The following GALNT18 variants were observed in gnomAD, a reference collection of about 807,000 sequenced individuals.
GALNT18 encodes GalNAc-transferase 18.
GALNT18 carries 44 observed loss-of-function variants against 69.5 expected under a neutral mutation model. The ratio of observed to expected loss-of-function variants is 0.63; its 90% CI spans 0.50 to 0.81. The LOEUF (loss-of-function observed/expected upper bound fraction) is 0.81, where lower values mean the gene tolerates loss of function less well. GALNT18 is among the 40% of genes least tolerant of loss of function. GALNT18 has a pLI of 0.00. For synonymous variants in GALNT18, 364 were observed against 318.2 expected, an observed-to-expected ratio of 1.14 and a Z score of -1.53; for missense variants, 715 against 810.0, an observed-to-expected ratio of 0.88 and a Z score of 1.42.
chr11:11,364,474 A>AAT (rs1334800739), intron 6 of GALNT18, among the ~76,000 whole-genome samples: 1 of 152,188 alleles, frequency 6.6e-6, no homozygotes, highest in African/African-American at 2.4e-5. Flanking sequence ...ACATCAGGGG[A>AAT]ATGTAATCAA....
At chr11:11,288,441 A>C (rs555449293) in intron 10 of GALNT18, among the ~76,000 whole-genome samples, 2 of 152,278 alleles carry the variant, frequency 1.3e-5, no homozygotes, top group East Asian at 3.9e-4. Context: ...TCTGCAGACC[A>C]AGTCGGTCAT....
rs1351737056 is a variant in GALNT18 at position 11,432,666 on chromosome 11, G to T, written c.550C>A (p.His184Asn). The T allele has an allele frequency of 6.2e-7, 1 of 1,612,304 alleles. No individual in the cohort carries two copies. Among genetic ancestry groups the T allele is most frequent in the Non-Finnish European group, 8.5e-7 (1 of 1,179,310 alleles). The change falls in exon 3 of 11, where the codon CAT (histidine) becomes AAT (asparagine). Residue 184 changes from histidine (H) to asparagine (N), a missense_variant. His to Asn is a moderately conservative substitution (Grantham distance 68). Transcript: ENST00000227756. The surrounding 1 kb of genome is among the most constrained non-coding windows in gnomAD (Gnocchi z 5.8). ...IHSAMERTPP[H>N]LLKEIILVDD... ...ACCAGAATGATCTCCTTGAGCAGATGTGGGGGCGTGCGTTCCATGGCCGAG... is the reference window on the plus strand; with the variant it reads ...ACCAGAATGATCTCCTTGAGCAGATTTGGGGGCGTGCGTTCCATGGCCGAG...
At chr11:11,371,134 C>T (rs934518354) in intron 6 of GALNT18, among the ~76,000 whole-genome samples, 3 of 152,176 alleles carry the variant, frequency 2.0e-5, no homozygotes, top group African/African-American at 7.2e-5. Context: ...TTTCTAAGCT[C>T]GGCTTCAGAC....
rs949697610 is a variant in GALNT18 at position 11,454,865 on chromosome 11, T to C, written c.236-5929A>G. Among the ~76,000 whole-genome samples, 1 of 152,240 alleles carries C rather than the reference T, an allele frequency of 6.6e-6. No individual in the cohort carries two copies. Among genetic ancestry groups the C allele is most frequent in the South Asian group, 2.1e-4 (1 of 4,820 alleles). ...TCACCATCAAGCCCTGAGGGGAGGA[T>C]TCCCTCCAGAGGACACTAATCACTC... is the stretch of plus-strand genomic sequence containing the variant. On this transcript the variant is annotated intron_variant, in intron 1 of 10. Coordinates refer to ENST00000227756, the MANE Select transcript of GALNT18 (RefSeq NM_198516.3). This position sits in a 1 kb window ranked among gnomAD's most constrained non-coding sequence, Gnocchi z 4.2.
chr11:11,535,651 T>G (rs1334355325), intron 1 of GALNT18, among the ~76,000 whole-genome samples: 1 of 152,144 alleles, frequency 6.6e-6, no homozygotes, highest in Non-Finnish European at 1.5e-5. Flanking sequence ...TGGCCAGACC[T>G]TCTGACCACC....
chr11:11,335,280 C>G (rs1850092502), intron 7 of GALNT18, among the ~76,000 whole-genome samples: 1 of 152,164 alleles, frequency 6.6e-6, no homozygotes, highest in South Asian at 2.1e-4. Flanking sequence ...AAGAACTAGC[C>G]CTTTGTTCAG....
rs1157182313 is a variant in GALNT18 at position 11,309,975 on chromosome 11, G to A, written c.1513-16782C>T. 6.7e-6 allele frequency among the ~76,000 whole-genome samples: 1 copy of A among 149,702 alleles called. No individual in the cohort carries two copies. The highest frequency in any genetic ancestry group is 1.9e-4 in the East Asian group (1 of 5,182). ...TTTCTTCCCTTCAGTCTCAAAACAT[G>A]TTCCCTTATTGCTTTCTTTAAAAAG... is the stretch of plus-strand genomic sequence containing the variant. On this transcript the variant is annotated intron_variant, in intron 9 of 10. Coordinates refer to ENST00000227756, the MANE Select transcript of GALNT18 (RefSeq NM_198516.3). This position sits in a 1 kb window ranked among gnomAD's most constrained non-coding sequence, Gnocchi z 4.6.
In GALNT18 at chr11:11,469,738, T is replaced by G. The variant is rs1490226070; in HGVS notation, c.236-20802A>C. On this transcript the variant is annotated intron_variant, in intron 1 of 10. Transcript: ENST00000227756. The surrounding 1 kb of genome is among the most constrained non-coding windows in gnomAD (Gnocchi z 4.2). ...TGTGAGTTGGTTGTTGGGGAATGAG[T>G]ATAGGCTCCCTTAGGTGTTTTCAGC... Among the ~76,000 whole-genome samples, 1 of 152,172 alleles carries G rather than the reference T, an allele frequency of 6.6e-6. No homozygotes were observed. Among genetic ancestry groups the G allele is most frequent in the Non-Finnish European group, 1.5e-5 (1 of 68,026 alleles).
At chr11:11,499,801 G>A (rs1856938219) in intron 1 of GALNT18, among the ~76,000 whole-genome samples, 1 of 152,232 alleles carries the variant, frequency 6.6e-6, no homozygotes, top group South Asian at 2.1e-4. Flanking sequence ...TACTGACACA[G>A]CACAGGAAAT....
At chr11:11,451,088 C>T (rs1486547435) in intron 1 of GALNT18, among the ~76,000 whole-genome samples, 1 of 152,168 alleles carries the variant, frequency 6.6e-6, no homozygotes, top group Non-Finnish European at 1.5e-5. Context: ...AAAATGCAAA[C>T]TATGCAAACT....
rs933755792 is a variant in GALNT18, at chr11:11,356,444, G to A, written c.1093-15440C>T. On this transcript the variant is annotated intron_variant, in intron 6 of 10. Coordinates refer to ENST00000227756, the MANE Select transcript of GALNT18 (RefSeq NM_198516.3). This position sits in a 1 kb window ranked among gnomAD's most constrained non-coding sequence, Gnocchi z 4.4. Reference sequence around the variant, plus strand: ...CAAAAGGGAGACAGAAAATGACTCTGGGGAGCTTTAACATACATTGTGAGC... The same window carrying A: ...CAAAAGGGAGACAGAAAATGACTCTAGGGAGCTTTAACATACATTGTGAGC... Among the ~76,000 whole-genome samples, 1 of 152,140 alleles carries A rather than the reference G, an allele frequency of 6.6e-6. No individual in the cohort carries two copies. Among genetic ancestry groups the A allele is most frequent in the South Asian group, 2.1e-4 (1 of 4,814 alleles).
At chr11:11,471,065 C>T (rs1167272162) in intron 1 of GALNT18, among the ~76,000 whole-genome samples, 2 of 152,274 alleles carry the variant, frequency 1.3e-5, no homozygotes, top group Non-Finnish European at 2.9e-5. Flanking sequence ...GCTTCAGTCT[C>T]CCTCATCTAA....
rs1859616020 is a variant in GALNT18, at chr11:11,600,861, T to C, written c.235+20498A>G. 6.6e-6 allele frequency among the ~76,000 whole-genome samples: 1 copy of C among 152,118 alleles called. No homozygotes were observed. Among genetic ancestry groups the C allele is most frequent in the South Asian group, 2.1e-4 (1 of 4,830 alleles). On this transcript the variant is annotated intron_variant, in intron 1 of 10. Coordinates refer to ENST00000227756, the MANE Select transcript of GALNT18 (RefSeq NM_198516.3). This position sits in a 1 kb window ranked among gnomAD's most constrained non-coding sequence, Gnocchi z 4.8. ...TTTCTCTTTTTTTCAGATGTGGTAATCTCTATTGATCTATCTTCAAATTTG... is the reference window on the plus strand; with the variant it reads ...TTTCTCTTTTTTTCAGATGTGGTAACCTCTATTGATCTATCTTCAAATTTG...
In GALNT18 at chr11:11,614,641, A is replaced by T. The variant is rs954835213; in HGVS notation, c.235+6718T>A. The stretch of plus-strand genomic sequence containing the variant: ...GAAATCCTATACGATGGTAATGAAG[A>T]CGCTCCAGTAACCCTGTTTGTGACT... On this transcript the variant is annotated intron_variant, in intron 1 of 10. Coordinates refer to ENST00000227756, the MANE Select transcript of GALNT18 (RefSeq NM_198516.3). This position sits in a 1 kb window ranked among gnomAD's most constrained non-coding sequence, Gnocchi z 5.6. 6.6e-6 allele frequency among the ~76,000 whole-genome samples: 1 copy of T among 152,214 alleles called. No homozygotes were observed. Among genetic ancestry groups the T allele is most frequent in the Admixed American group, 6.5e-5 (1 of 15,280 alleles).
intron 1 of GALNT18, among the ~76,000 whole-genome samples, chr11:11,521,384 T>C (rs953042504): frequency 6.6e-6 from 1 of 152,096 alleles, no homozygotes; most frequent in Non-Finnish European, 1.5e-5. Context: ...CTCAGCCCAC[T>C]CTCTGGCCAC....
intron 1 of GALNT18, among the ~76,000 whole-genome samples, chr11:11,462,018 G>A (rs544220289): frequency 2.6e-5 from 4 of 152,198 alleles, no homozygotes; most frequent in African/African-American, 9.7e-5. Context: ...AAAGGGAAGC[G>A]GGGTGCTGTA....
rs1241268749 is a variant in GALNT18, at chr11:11,591,010, T to G, written c.235+30349A>C. On this transcript the variant is annotated intron_variant, in intron 1 of 10. Coordinates refer to ENST00000227756, the MANE Select transcript of GALNT18 (RefSeq NM_198516.3). The surrounding 1 kb of genome is among the most constrained non-coding windows in gnomAD (Gnocchi z 4.8). ...TTTTTTTAAGTTAACTGTAAGACAG[T>G]CTCAGGTAGGTCCTTCCTGAGATAT... Among the ~76,000 whole-genome samples, 1 of 152,154 alleles carries G rather than the reference T, an allele frequency of 6.6e-6. No homozygotes were observed. Among genetic ancestry groups the G allele is most frequent in the Non-Finnish European group, 1.5e-5 (1 of 68,026 alleles).
Position 11,534,055 on chromosome 11 carries a change from C to T in GALNT18, c.236-85119G>A, listed in dbSNP as rs558539817. 1.4e-4 allele frequency among the ~76,000 whole-genome samples: 22 copies of T among 152,348 alleles called. No individual in the cohort carries two copies. The South Asian group carries it at 3.9e-3, about 27-fold the overall frequency. On this transcript the variant is annotated intron_variant, in intron 1 of 10. Transcript: ENST00000227756. ...ATCACACCCCATGCTAGCACCCCTA[C>T]GTCACAGATCAGGAAACTGAGGCTT...
chr11:11,609,593 A>T (rs540620652), intron 1 of GALNT18, among the ~76,000 whole-genome samples: 20 of 152,322 alleles, frequency 1.3e-4, no homozygotes, highest in African/African-American at 4.6e-4. Flanking sequence ...TACCAAAAGA[A>T]GGCAGCGGTA....
Sources: allele counts gnomAD v4.1 joint callset (sites outside exome capture counted in the v4.1 genomes callset), GRCh38; gene constraint gnomAD v4.1.1; non-coding constraint Gnocchi (gnomAD v3.1); transcripts MANE v1.5; gene names NCBI Gene and HGNC (gene_info 2026-07-23, HGNC 2026-07-21).